The following GDF1 variants were observed in gnomAD, a reference collection of about 807,000 sequenced individuals.
GDF1 encodes embryonic growth/differentiation factor 1.
A neutral mutation model predicts 7.4 loss-of-function variants in GDF1; 8 were observed. That is an observed-to-expected ratio of 1.09 (90% confidence interval 0.64 to 1.96). GDF1 has a LOEUF of 1.96. Among genes scored for constraint, GDF1 ranks in the 30% most tolerant of loss-of-function variants. GDF1 has a pLI of 0.00. For missense variants in GDF1, 574 were observed against 551.5 expected, an observed-to-expected ratio of 1.04 and a Z score of -0.41; for synonymous variants, 311 against 276.7, an observed-to-expected ratio of 1.12 and a Z score of -1.23.
At chr19:18,875,386 T>C (rs1437094053) in intron 6 of GDF1, among the ~76,000 whole-genome samples, 1 of 151,244 alleles carries the variant, frequency 6.6e-6, no homozygotes, top group Non-Finnish European at 1.5e-5. Flanking sequence ...TTTGTAAAAA[T>C]ACAAAAATTA....
In GDF1 at chr19:18,868,581, C is replaced by G; in HGVS notation, c.*16G>C. 6.5e-7 allele frequency: 1 copy of G among 1,542,180 alleles called. No homozygotes were observed. Among genetic ancestry groups the G allele is most frequent in the East Asian group, 2.4e-5 (1 of 40,994 alleles). ...GCGGCATTTATTGTTGGGCCCGCGTCCCTGCCCGCCCCGGGTTAGCGGCAG... is the reference window on the plus strand; with the variant it reads ...GCGGCATTTATTGTTGGGCCCGCGTGCCTGCCCGCCCCGGGTTAGCGGCAG... On this transcript the variant is annotated 3_prime_UTR_variant, in exon 8 of 8. Transcript: ENST00000247005.
chr19:18,883,578 C>A (rs2056268898), intron 3 of GDF1, among the ~76,000 whole-genome samples: 1 of 152,166 alleles, frequency 6.6e-6, no homozygotes, highest in Non-Finnish European at 1.5e-5. Flanking sequence ...AAGATATTTT[C>A]ACTCGTTTGT....
At chr19:18,891,025 G>T (rs1270792139) in intron 2 of GDF1, among the ~76,000 whole-genome samples, 1 of 152,002 alleles carries the variant, frequency 6.6e-6, no homozygotes, top group Non-Finnish European at 1.5e-5. Context: ...TTAGGAGGCT[G>T]AGGCAGGAGA....
At chr19:18,869,713 A>AT (rs1295757776) in intron 7 of GDF1, among the ~76,000 whole-genome samples, 1 of 103,584 alleles carries the variant, frequency 9.7e-6, no homozygotes, top group Non-Finnish European at 1.8e-5. Context: ...GCAGGAAGGC[A>AT]TTAGTGTCAA....
At chr19:18,877,716 C>G (rs1206622132) in intron 6 of GDF1, among the ~76,000 whole-genome samples, 1 of 146,132 alleles carries the variant, frequency 6.8e-6, no homozygotes, top group Non-Finnish European at 1.5e-5. Context: ...GATCGTGCCA[C>G]TGCACACTCC....
intron 2 of GDF1, among the ~76,000 whole-genome samples, chr19:18,887,778 T>A (rs897989084): frequency 6.6e-6 from 1 of 151,706 alleles, no homozygotes; most frequent in East Asian, 1.9e-4. Context: ...TTAAGATTTA[T>A]ATGGCAAAAA....
At chr19:18,874,970 C>T (rs2056035973) in intron 6 of GDF1, among the ~76,000 whole-genome samples, 1 of 152,316 alleles carries the variant, frequency 6.6e-6, no homozygotes, top group South Asian at 2.1e-4. Flanking sequence ...CAAAGTGGCT[C>T]ATGCCTGTAA....
At chr19:18,871,880 A>C (rs1397391101) in intron 6 of GDF1, among the ~76,000 whole-genome samples, 1 of 152,142 alleles carries the variant, frequency 6.6e-6, no homozygotes, top group Non-Finnish European at 1.5e-5. Flanking sequence ...CTTCCCATAA[A>C]CAAACCTCCG....
Position 18,878,712 on chromosome 19 carries a change from C to A in GDF1, c.-313+218G>T. On this transcript the variant is annotated intron_variant, in intron 6 of 7. Coordinates refer to ENST00000247005, the MANE Select transcript of GDF1 (RefSeq NM_001492.6). The surrounding 1 kb of genome is among the most constrained non-coding windows in gnomAD (Gnocchi z 4.6). ...ACCCTGCCTGTCGCCCTGCCTGCCC[C>A]TCCCCAGCCTCTCCCTCCCCTTCCT... 1 of 1,383,892 alleles carries A rather than the reference C, an allele frequency of 7.2e-7. No individual in the cohort carries two copies. The highest frequency in any genetic ancestry group is 9.4e-7 in the Non-Finnish European group (1 of 1,066,830). 85.7% of individuals were successfully genotyped at this position (1,383,892 alleles called of 1,614,324 possible).
Position 18,878,416 on chromosome 19 carries a change from C to T in GDF1, c.-313+514G>A. ...ACCTGGGCTGGACTGAGTCTGAGCT[C>T]CCAGCCCCAGCTCCTGTTTGGCCGG... On this transcript the variant is annotated intron_variant, in intron 6 of 7. Coordinates refer to ENST00000247005, the MANE Select transcript of GDF1 (RefSeq NM_001492.6). The surrounding 1 kb of genome is among the most constrained non-coding windows in gnomAD (Gnocchi z 4.6). 4 of 990,800 alleles carry T rather than the reference C, an allele frequency of 4.0e-6. No individual in the cohort carries two copies. The highest frequency in any genetic ancestry group is 4.8e-6 in the Non-Finnish European group (4 of 833,158). 61.4% of individuals were successfully genotyped at this position (990,800 alleles called of 1,614,324 possible).
chr19:18,887,103 C>T (rs577404389), intron 2 of GDF1, among the ~76,000 whole-genome samples: 5 of 152,290 alleles, frequency 3.3e-5, no homozygotes, highest in East Asian at 3.9e-4. Context: ...AGACACAACC[C>T]GAATGTGCAT....
In GDF1 at chr19:18,869,973, C is replaced by A; in HGVS notation, c.325+10G>T. The A allele has an allele frequency of 6.3e-7, 1 of 1,578,408 alleles. No individual in the cohort carries two copies. The highest frequency in any genetic ancestry group is 8.6e-7 in the Non-Finnish European group (1 of 1,164,012). ...CCAGGACCAGTGTCCCCAGCGAAAG[C>A]CCCACTCACCGCGGTCCGGGATGTG... On this transcript the variant is annotated intron_variant, in intron 7 of 7. Transcript: ENST00000247005.
Position 18,870,863 on chromosome 19 carries a change from C to T in GDF1, c.-312-244G>A, listed in dbSNP as rs1203999076. ...GCACCCTGGCACTTCCTCCTTGCTT[C>T]CCCCTCTCCAATTAAACCTTCCTCT... On this transcript the variant is annotated intron_variant, in intron 6 of 7. Coordinates refer to ENST00000247005, the MANE Select transcript of GDF1 (RefSeq NM_001492.6). The surrounding 1 kb of genome is among the most constrained non-coding windows in gnomAD (Gnocchi z 5.1). Among the ~76,000 whole-genome samples, 2 of 152,022 alleles carry T rather than the reference C, an allele frequency of 1.3e-5. No individual in the cohort carries two copies. Among genetic ancestry groups the T allele is most frequent in the Non-Finnish European group, 2.9e-5 (2 of 67,972 alleles).
chr19:18,886,849 C>T (rs1050274035), intron 2 of GDF1, among the ~76,000 whole-genome samples: 13 of 152,236 alleles, frequency 8.5e-5, no homozygotes, highest in Admixed American at 7.2e-4. Context: ...TCCAGGGTCC[C>T]CTCTTTGGCC....
chr19:18,878,892 A>C lies in GDF1; in HGVS notation c.-313+38T>G. 6.2e-7 allele frequency: 1 copy of C among 1,607,738 alleles called. No homozygotes were observed. The highest frequency in any genetic ancestry group is 1.1e-5 in the South Asian group (1 of 90,292). On this transcript the variant is annotated intron_variant, in intron 6 of 7. Coordinates refer to ENST00000247005, the MANE Select transcript of GDF1 (RefSeq NM_001492.6). This position sits in a 1 kb window ranked among gnomAD's most constrained non-coding sequence, Gnocchi z 4.6. Reference sequence around the variant, plus strand: ...GAACACGCTTGGACGGGTGACACTAAAGGAGGGAACGCGGGGTGCGGGCCC... The same window carrying C: ...GAACACGCTTGGACGGGTGACACTACAGGAGGGAACGCGGGGTGCGGGCCC...
At chr19:18,883,985 T>A in intron 3 of GDF1, 102 bp downstream of exon 3, 5 of 1,285,682 alleles carry the variant, frequency 3.9e-6, no homozygotes, top group Non-Finnish European at 5.3e-6. Flanking sequence ...TCCGACCTGA[T>A]GTGATCCCCT....
chr19:18,886,199 A>T (rs1181995627), intron 2 of GDF1, among the ~76,000 whole-genome samples: 1 of 151,916 alleles, frequency 6.6e-6, no homozygotes, highest in Non-Finnish European at 1.5e-5. Flanking sequence ...TGAGTCCAGG[A>T]GTTCGAGACC....
In GDF1 at chr19:18,870,275, G is replaced by A; in HGVS notation, c.33C>T (p.His11=). 6.5e-7 allele frequency: 1 copy of A among 1,549,776 alleles called. No individual in the cohort carries two copies. Among genetic ancestry groups the A allele is most frequent in the Non-Finnish European group, 8.7e-7 (1 of 1,149,068 alleles). MPPPQQGPCG[H]HLLLLLALLL... ...GCAGGGCCAGGAGGAGGAGGAGGTGGTGGCCGCAGGGACCTTGCTGCGGCG... is the reference window on the plus strand; with the variant it reads ...GCAGGGCCAGGAGGAGGAGGAGGTGATGGCCGCAGGGACCTTGCTGCGGCG... The change falls in exon 7 of 8, where the codon CAC becomes CAT. Residue 11 remains histidine (H), a synonymous_variant. Transcript: ENST00000247005. This position sits in a 1 kb window ranked among gnomAD's most constrained non-coding sequence, Gnocchi z 5.1.
chr19:18,875,870 A>G (rs182046473), intron 6 of GDF1, among the ~76,000 whole-genome samples: 9 of 152,360 alleles, frequency 5.9e-5, no homozygotes, highest in African/African-American at 2.2e-4. Context: ...TGGAGCCACC[A>G]GAAGCCCAAG....
Sources: allele counts gnomAD v4.1 joint callset (sites outside exome capture counted in the v4.1 genomes callset), GRCh38; gene constraint gnomAD v4.1.1; non-coding constraint Gnocchi (gnomAD v3.1); transcripts MANE v1.5; gene names NCBI Gene and HGNC (gene_info 2026-07-23, HGNC 2026-07-21).